Variants in PPP1R26 observed in about 807,000 individuals in gnomAD.
PPP1R26 encodes 1A6/DRIM (down-regulated in metastasis) interacting protein.
In PPP1R26, 22 loss-of-function variants were observed where a neutral mutation model predicts 67.6. That is an observed-to-expected ratio of 0.33 (90% CI 0.23 to 0.46). The LOEUF (loss-of-function observed/expected upper bound fraction) is 0.46, where lower values mean the gene tolerates loss of function less well. PPP1R26 is among the 20% of genes least tolerant of loss of function. The probability of loss-of-function intolerance (pLI) is 1.00; values close to 1 mark genes in which losing one functional copy is unlikely to be tolerated. For missense variants in PPP1R26, 1,602 were observed against 1,651.4 expected (o/e 0.97, Z 0.52); for synonymous variants, 729 against 717.2 (o/e 1.02, Z -0.26).
chr9:135,486,805 T>C lies in PPP1R26; in HGVS notation c.2295T>C (p.Pro765=), dbSNP rs754660920. The stretch of plus-strand genomic sequence containing the variant: ...CCAAGAGAGACAGTGGCGAGGGTCC[T>C]GGGAAGAAACCCCCCAGTGTCTTTG... ...SKSKRDSGEG[P]GKKPPSVFGS... is the part of the protein sequence containing the mutation. Residue 765 remains proline, a synonymous_variant, in exon 4 of 4, where the codon CCT becomes CCC. Coordinates refer to ENST00000356818, the MANE Select transcript of PPP1R26 (RefSeq NM_014811.5). The surrounding 1 kb of genome is among the most constrained non-coding windows in gnomAD (Gnocchi z 6.2). 6.2e-7 allele frequency: 1 copy of C among 1,604,374 alleles called. No individual in the cohort carries two copies. Among genetic ancestry groups the C allele is most frequent in the Non-Finnish European group, 8.5e-7 (1 of 1,176,122 alleles).
rs1427101704 is a variant in PPP1R26, at chr9:135,484,039, A to G, written c.-106A>G. 1 of 403,220 alleles carries G rather than the reference A, an allele frequency of 2.5e-6. No homozygotes were observed. The allele number at this position is 403,220 out of a possible 1,614,324, so 25.0% of individuals were successfully genotyped here. ...CATCCTTTTTAAGCTGCAAAGAAGC[A>G]TTTGCAGACGTTGTCTCATGGGTAC... On this transcript the variant is annotated 5_prime_UTR_variant, in exon 3 of 4. Transcript: ENST00000356818.
chr9:135,479,225 G>C (rs1461837952), upstream of PPP1R26: 1 of 152,082 alleles, frequency 6.6e-6, no homozygotes, highest in Non-Finnish European at 1.5e-5. This position sits in a 1 kb window ranked among gnomAD's most constrained non-coding sequence, Gnocchi z 5.9. Flanking sequence ...AGCTCGGGTG[G>C]GGCAGCCGCG....
In PPP1R26 at chr9:135,485,415, C is replaced by T. The variant is rs755511009; in HGVS notation, c.905C>T (p.Pro302Leu). 3.7e-6 allele frequency: 6 copies of T among 1,612,658 alleles called. No homozygotes were observed. Among genetic ancestry groups the T allele is most frequent in the African/African-American group, 1.3e-5 (1 of 74,868 alleles). ...PPRLAKMNVQ[P>L]RSLRSKVTTT... The stretch of plus-strand genomic sequence containing the variant: ...CGGTTAGCGAAGATGAACGTCCAGC[C>T]CAGAAGCCTCAGGTCCAAGGTCACA... The change falls in exon 4 of 4, where the codon CCC becomes CTC. Residue 302 changes from proline (P) to leucine (L), a missense_variant. Pro to Leu is a moderately conservative substitution (Grantham distance 98). This residue lies in a region of PPP1R26 where 680 missense variants were observed against 726.1 expected (regional missense o/e 0.94). Coordinates refer to ENST00000356818, the MANE Select transcript of PPP1R26 (RefSeq NM_014811.5). The surrounding 1 kb of genome is among the most constrained non-coding windows in gnomAD (Gnocchi z 7.2).
chr9:135,486,238 C>T lies in PPP1R26; in HGVS notation c.1728C>T (p.Gly576=), dbSNP rs1290302562. ...CGCCTGGCCTCAACAGCCAGACCGG[C>T]GGCCACAAGACCCCTCTCTCTAAAA... The part of the protein sequence containing the change: ...LLPPGLNSQT[G]GHKTPLSKTP... Residue 576 remains glycine, a synonymous_variant, in exon 4 of 4, where the codon GGC becomes GGT. Coordinates refer to ENST00000356818, the MANE Select transcript of PPP1R26 (RefSeq NM_014811.5). The surrounding 1 kb of genome is among the most constrained non-coding windows in gnomAD (Gnocchi z 6.2). 1.6e-5 allele frequency: 25 copies of T among 1,612,870 alleles called. No homozygotes were observed. Among genetic ancestry groups the T allele is most frequent in the Non-Finnish European group, 2.0e-5 (24 of 1,180,034 alleles).
chr9:135,484,279 C>T (rs960757512), intron 3 of PPP1R26, 170 bp from the exon 4 acceptor site: 1 of 543,460 alleles, frequency 1.8e-6, no homozygotes, highest in South Asian at 2.8e-5. Flanking sequence ...TCCGAGGCCC[C>T]AGGAGCATGA....
intron 2 of PPP1R26, among the ~76,000 whole-genome samples, chr9:135,483,082 T>C (rs766744342): frequency 6.8e-6 from 1 of 146,714 alleles, no homozygotes; most frequent in South Asian, 2.3e-4. Flanking sequence ...CTCTACCTCC[T>C]GGGTTCGAGC....
chr9:135,487,285 G>C lies in PPP1R26; in HGVS notation c.2775G>C (p.Lys925Asn). The C allele has an allele frequency of 6.4e-7, 1 of 1,556,306 alleles. No homozygotes were observed. The highest frequency in any genetic ancestry group is 8.7e-7 in the Non-Finnish European group (1 of 1,152,568). ...GTAGLFSQGG[K>N]GLPAAPARGD... Reference sequence around the variant, plus strand: ...CTGGTCTGTTCAGCCAGGGCGGGAAGGGGCTCCCTGCTGCTCCTGCCCGAG... The same window carrying C: ...CTGGTCTGTTCAGCCAGGGCGGGAACGGGCTCCCTGCTGCTCCTGCCCGAG... Residue 925 changes from lysine to asparagine, a missense_variant, in exon 4 of 4, where the codon AAG becomes AAC. Around this residue, in one of 5 missense-constraint regions of PPP1R26, gnomAD observed 740 missense variants for 696.3 expected, o/e 1.06. Coordinates refer to ENST00000356818, the MANE Select transcript of PPP1R26 (RefSeq NM_014811.5).
Position 135,480,959 on chromosome 9 carries a change from T to G in PPP1R26, c.-329+937T>G, listed in dbSNP as rs1219879863. Among the ~76,000 whole-genome samples the G allele has an allele frequency of 2.6e-5, 4 of 152,102 alleles. No individual in the cohort carries two copies. In the East Asian group the frequency reaches 7.8e-4, roughly 30 times the overall value. On this transcript the variant is annotated intron_variant, in intron 1 of 3. Coordinates refer to ENST00000356818, the MANE Select transcript of PPP1R26 (RefSeq NM_014811.5). ...CGGCCAACCGAGAAATGTAGAGTAT[T>G]TGGGGGCGTTTCTCACAGGTGGGCA...
At position 135,485,382 on chromosome 9, in the gene PPP1R26, A is replaced by C. The variant is rs774881863; in HGVS notation, c.872A>C (p.Lys291Thr). ...LGVQKEFAFR[K>T]PPRLAKMNVQ... ...GTCCAGAAGGAGTTTGCCTTCCGCA[A>C]ACCTCCCCGGTTAGCGAAGATGAAC... Residue 291 changes from lysine (K) to threonine (T), a missense_variant, in exon 4 of 4, where the codon AAA (lysine) becomes ACA (threonine). Lys to Thr is a moderately conservative substitution (Grantham distance 78). Transcript: ENST00000356818. The surrounding 1 kb of genome is among the most constrained non-coding windows in gnomAD (Gnocchi z 7.2). The C allele has an allele frequency of 6.2e-7, 1 of 1,612,786 alleles. No individual in the cohort carries two copies. The highest frequency in any genetic ancestry group is 1.3e-5 in the African/African-American group (1 of 74,874).
In PPP1R26 at chr9:135,488,470, A is replaced by G. The variant is rs1229946209; in HGVS notation, c.*330A>G. 1.3e-4 allele frequency: 26 copies of G among 201,948 alleles called. No individual in the cohort carries two copies. Among genetic ancestry groups the G allele is most frequent in the African/African-American group, 5.6e-4 (24 of 42,620 alleles). 12.5% of individuals were successfully genotyped at this position (201,948 alleles called of 1,614,324 possible). ...GGAAACATTTGGTTCTTACCATCAC[A>G]GCCAGGTTCACAGAGGCTCTGATGC... On this transcript the variant is annotated 3_prime_UTR_variant, in exon 4 of 4. Transcript: ENST00000356818.
intron 1 of PPP1R26, among the ~76,000 whole-genome samples, chr9:135,482,431 C>T (rs888687670): frequency 6.6e-6 from 1 of 152,212 alleles, no homozygotes; most frequent in African/African-American, 2.4e-5. Context: ...ATACGTGCCC[C>T]ATCCCCATCA....
rs2119331724 is a variant in PPP1R26 at position 135,488,373 on chromosome 9, A to G, written c.*233A>G. The stretch of plus-strand genomic sequence containing the variant: ...AGTGATGTAAAAGATATTTTTGGAA[A>G]ATACTGTTGTTCAATTTTGTAGGGT... On this transcript the variant is annotated 3_prime_UTR_variant, in exon 4 of 4. Coordinates refer to ENST00000356818, the MANE Select transcript of PPP1R26 (RefSeq NM_014811.5). 1 of 764,206 alleles carries G rather than the reference A, an allele frequency of 1.3e-6. No individual in the cohort carries two copies. The highest frequency in any genetic ancestry group is 3.8e-5 in the East Asian group (1 of 26,526). The allele number at this position is 764,206 out of a possible 1,614,324, so 47.3% of individuals were successfully genotyped here.
In PPP1R26 at chr9:135,486,213, C is replaced by CG; in HGVS notation, c.1704dup (p.Pro569AlafsTer16). 1 of 1,613,006 alleles carries CG rather than the reference C, an allele frequency of 6.2e-7. No individual in the cohort carries two copies. The highest frequency in any genetic ancestry group is 8.5e-7 in the Non-Finnish European group (1 of 1,180,040). On this transcript the variant is annotated frameshift_variant, in exon 4 of 4. Coordinates refer to ENST00000356818, the MANE Select transcript of PPP1R26 (RefSeq NM_014811.5). LOFTEE classifies it high-confidence loss of function. This position sits in a 1 kb window ranked among gnomAD's most constrained non-coding sequence, Gnocchi z 6.2. ...CAGGCTGCCCAGGGTCCACTTTTGC[C>CG]GCCTGGCCTCAACAGCCAGACCGGC... is the stretch of plus-strand genomic sequence containing the variant.
Position 135,487,513 on chromosome 9 carries a change from C to T in PPP1R26, c.3003C>T (p.Cys1001=), listed in dbSNP as rs149193081. ...GGARGTFHMG[C]GSPSFLTPSP... ...CCAGAGGAACCTTTCACATGGGCTG[C>T]GGGAGCCCGAGCTTCCTGACCCCCA... Residue 1001 remains cysteine, a synonymous_variant, in exon 4 of 4, where the codon TGC becomes TGT. Coordinates refer to ENST00000356818, the MANE Select transcript of PPP1R26 (RefSeq NM_014811.5). The T allele has an allele frequency of 1.8e-3, 2,853 of 1,605,138 alleles. 37 individuals are homozygous for T. In the African/African-American group the frequency reaches 0.032, roughly 18 times the overall value.
Position 135,487,031 on chromosome 9 carries a change from A to T in PPP1R26, c.2521A>T (p.Ile841Phe). 1 of 1,611,442 alleles carries T rather than the reference A, an allele frequency of 6.2e-7. No individual in the cohort carries two copies. The highest frequency in any genetic ancestry group is 8.5e-7 in the Non-Finnish European group (1 of 1,179,690). ...VDSNDSIELE[I>F]RKFLAEKAKE... ...CAGCAACGACAGCATCGAACTGGAG[A>T]TTAGGAAGTTTTTGGCGGAAAAGGC... The change falls in exon 4 of 4, where the codon ATT becomes TTT. Residue 841 changes from isoleucine to phenylalanine, a missense_variant. This residue lies in a region of PPP1R26 where 740 missense variants were observed against 696.3 expected (regional missense o/e 1.06). Coordinates refer to ENST00000356818, the MANE Select transcript of PPP1R26 (RefSeq NM_014811.5).
Position 135,486,343 on chromosome 9 carries a change from G to A in PPP1R26, c.1833G>A (p.Gln611=). ...HVRPSTPKKM[Q]EVVKDGSQDA... is the part of the protein sequence containing the mutation. ...GGCCATCCACGCCCAAGAAAATGCAGGAGGTGGTGAAAGACGGTAGCCAGG... is the reference window on the plus strand; with the variant it reads ...GGCCATCCACGCCCAAGAAAATGCAAGAGGTGGTGAAAGACGGTAGCCAGG... The change falls in exon 4 of 4, where the codon CAG becomes CAA. Residue 611 remains glutamine (Q), a synonymous_variant. Transcript: ENST00000356818. This position sits in a 1 kb window ranked among gnomAD's most constrained non-coding sequence, Gnocchi z 6.2. 2 of 1,613,142 alleles carry A rather than the reference G, an allele frequency of 1.2e-6. No homozygotes were observed. The highest frequency in any genetic ancestry group is 1.7e-6 in the Non-Finnish European group (2 of 1,180,000).
chr9:135,481,570 G>C (rs1040679184), intron 1 of PPP1R26, among the ~76,000 whole-genome samples: 3 of 151,000 alleles, frequency 2.0e-5, no homozygotes, highest in Non-Finnish European at 4.4e-5. Context: ...GATTCATCTC[G>C]CATAATGTTT....
At position 135,486,941 on chromosome 9, in the gene PPP1R26, C is replaced by G. The variant is rs574770295; in HGVS notation, c.2431C>G (p.Pro811Ala). ...SASASEGNPFPRESQGPAPSP... is the reference protein window; with the variant it reads ...SASASEGNPFARESQGPAPSP... ...CTCTGCCTCCGAAGGGAATCCATTC[C>G]CCAGGGAGTCCCAGGGCCCAGCTCC... Residue 811 changes from proline to alanine, a missense_variant, in exon 4 of 4, where the codon CCC becomes GCC. Coordinates refer to ENST00000356818, the MANE Select transcript of PPP1R26 (RefSeq NM_014811.5). This position sits in a 1 kb window ranked among gnomAD's most constrained non-coding sequence, Gnocchi z 6.2. 1 of 1,612,948 alleles carries G rather than the reference C, an allele frequency of 6.2e-7. No individual in the cohort carries two copies. The highest frequency in any genetic ancestry group is 8.5e-7 in the Non-Finnish European group (1 of 1,180,014).
rs1332563174 is a variant in PPP1R26 at position 135,487,334 on chromosome 9, A to G, written c.2824A>G (p.Thr942Ala). 1 of 1,553,248 alleles carries G rather than the reference A, an allele frequency of 6.4e-7. No homozygotes were observed. The highest frequency in any genetic ancestry group is 8.7e-7 in the Non-Finnish European group (1 of 1,152,138). The change falls in exon 4 of 4, where the codon ACC (threonine) becomes GCC (alanine). Residue 942 changes from threonine (T) to alanine (A), a missense_variant. Thr to Ala is a moderately conservative substitution (Grantham distance 58, BLOSUM62 0). Coordinates refer to ENST00000356818, the MANE Select transcript of PPP1R26 (RefSeq NM_014811.5). ...ARGDPVPPRS[T>A]SGGVSAKGLS... Reference sequence around the variant, plus strand: ...AGGGGATCCGGTGCCGCCCAGGAGCACCAGCGGCGGTGTCTCCGCCAAGGG... The same window carrying G: ...AGGGGATCCGGTGCCGCCCAGGAGCGCCAGCGGCGGTGTCTCCGCCAAGGG...
Sources: gnomAD v4.1 joint callset for allele counts (sites outside exome capture counted in the v4.1 genomes callset) on GRCh38, gnomAD v4.1.1 for gene constraint, gnomAD v4.1.1 regional missense constraint, Gnocchi (gnomAD v3.1) non-coding constraint, MANE v1.5 for transcripts, NCBI Gene and HGNC (gene_info 2026-07-23, HGNC 2026-07-21) for gene names.